MKKS: variants seen among roughly 807,000 people sequenced by gnomAD.
MKKS encodes molecular chaperone MKKS.
In MKKS, 29 loss-of-function variants were observed where a neutral mutation model predicts 33.2. The ratio of observed to expected loss-of-function variants is 0.87; its 90% CI spans 0.65 to 1.19. The LOEUF is 1.19. Ranked by LOEUF, MKKS falls within the 50% of genes most tolerant of loss-of-function variation. The pLI is 0.00. For synonymous variants in MKKS, 260 were observed against 244.0 expected (o/e 1.07, Z -0.61); for missense variants, 661 against 662.3 (o/e 1.00, Z 0.02).
intron 5 of MKKS, among the ~76,000 whole-genome samples, chr20:10,406,272 A>C (rs2122221438): frequency 6.6e-6 from 1 of 152,344 alleles, no homozygotes; most frequent in African/African-American, 2.4e-5. Context: ...TTATCCTAGA[A>C]ATTCCATGAT....
In MKKS at chr20:10,413,255, C is replaced by T; in HGVS notation, c.260G>A (p.Ser87Asn). 6.2e-7 allele frequency: 1 copy of T among 1,614,208 alleles called. No individual in the cohort carries two copies. The highest frequency in any genetic ancestry group is 8.5e-7 in the Non-Finnish European group (1 of 1,180,038). The change falls in exon 3 of 6, where the codon AGC becomes AAC. Residue 87 changes from serine (S) to asparagine (N), a missense_variant. Coordinates refer to ENST00000347364, the MANE Select transcript of MKKS (RefSeq NM_170784.3). ...LTASIQNHVSSFSDCGLFTAI... is the reference protein window; with the variant it reads ...LTASIQNHVSNFSDCGLFTAI... ...TGTGAATAAGCCACAATCACTGAAG[C>T]TTGACACATGATTCTGTATGGAGGC...
At chr20:10,419,796 G>A (rs1390079905) in intron 2 of MKKS, among the ~76,000 whole-genome samples, 1 of 152,108 alleles carries the variant, frequency 6.6e-6, no homozygotes, top group Admixed American at 6.6e-5. Flanking sequence ...AATATCCCAG[G>A]ATTTCATCAT....
intron 1 of MKKS, among the ~76,000 whole-genome samples, chr20:10,429,030 C>A (rs1176296024): frequency 1.3e-5 from 2 of 152,096 alleles, no homozygotes; most frequent in Non-Finnish European, 2.9e-5. Context: ...TATTTTTCTC[C>A]ACTGAAAAGA....
chr20:10,427,615 G>A (rs1356474834), intron 1 of MKKS, among the ~76,000 whole-genome samples: 2 of 152,156 alleles, frequency 1.3e-5, no homozygotes. Context: ...AGTTTGAATT[G>A]TGGCATTTTT....
intron 1 of MKKS, among the ~76,000 whole-genome samples, chr20:10,422,304 G>A (rs1457710202): frequency 2.0e-5 from 3 of 151,734 alleles, no homozygotes; most frequent in Non-Finnish European, 2.9e-5. Context: ...CTTTTCTAAC[G>A]TACTGTGGTA....
intron 4 of MKKS, among the ~76,000 whole-genome samples, chr20:10,408,135 A>C (rs1430951166): frequency 6.6e-6 from 1 of 152,236 alleles, no homozygotes; most frequent in Non-Finnish European, 1.5e-5. Flanking sequence ...ATAAATAAAA[A>C]ATCACACAGA....
intron 1 of MKKS, among the ~76,000 whole-genome samples, chr20:10,427,029 G>GCACACAC (rs1555803048): frequency 7.6e-6 from 1 of 130,724 alleles, no homozygotes; most frequent in Non-Finnish European, 1.6e-5. Flanking sequence ...AGAAAACACT[G>GCACACAC]ACACACACAC....
Position 10,401,766 on chromosome 20 carries a change from CCAAAT to C in MKKS, c.*3476_*3480del, listed in dbSNP as rs1457279708. 1 of 152,046 alleles carries C rather than the reference CCAAAT, an allele frequency of 6.6e-6. No homozygotes were observed. The highest frequency in any genetic ancestry group is 1.5e-5 in the Non-Finnish European group (1 of 68,004). 9.4% of individuals were successfully genotyped at this position (152,046 alleles called of 1,614,324 possible). On this transcript the variant is annotated 3_prime_UTR_variant, in exon 6 of 6. Coordinates refer to ENST00000347364, the MANE Select transcript of MKKS (RefSeq NM_170784.3). The stretch of plus-strand genomic sequence containing the variant: ...GCCTAAGTAGCTTTGATAATACAAA[CCAAAT>C]GAGTTCAAGGATACCTATAATAAAA...
At chr20:10,417,738 C>T (rs6131091) in intron 2 of MKKS, among the ~76,000 whole-genome samples, 2 of 151,900 alleles carry the variant, frequency 1.3e-5, no homozygotes, top group African/African-American at 2.4e-5. Flanking sequence ...ACATGATTAC[C>T]TAGGATCTAT....
intron 1 of MKKS, among the ~76,000 whole-genome samples, chr20:10,431,144 A>C (rs2065051162): frequency 6.6e-6 from 1 of 152,178 alleles, no homozygotes. Flanking sequence ...GGAGTATATT[A>C]TCTTATACGA....
chr20:10,412,956 G>C lies in MKKS; in HGVS notation c.559C>G (p.Pro187Ala). Residue 187 changes from proline to alanine, a missense_variant, in exon 3 of 6, where the codon CCA becomes GCA. Pro to Ala is a conservative substitution (Grantham distance 27). Coordinates refer to ENST00000347364, the MANE Select transcript of MKKS (RefSeq NM_170784.3). Reference protein sequence around the residue: ...LILRAFLLTIPENAEGHIILG... With the variant: ...LILRAFLLTIAENAEGHIILG... ...ATGATGTGGCCTTCAGCATTTTCTG[G>C]AATTGTAAGCAAAAAGGCTCTCAGG... 6.2e-7 allele frequency: 1 copy of C among 1,613,828 alleles called. No individual in the cohort carries two copies. The highest frequency in any genetic ancestry group is 8.5e-7 in the Non-Finnish European group (1 of 1,179,958).
intron 5 of MKKS, 105 bp from the exon 6 acceptor site, chr20:10,405,792 T>A (rs2064839459): frequency 1.8e-6 from 2 of 1,098,774 alleles, no homozygotes; most frequent in South Asian, 2.8e-5. Context: ...AAGTAATTAC[T>A]TACTTTCATT....
chr20:10,409,290 T>C (rs1238623221), intron 3 of MKKS, among the ~76,000 whole-genome samples: 1 of 152,192 alleles, frequency 6.6e-6, no homozygotes, highest in Non-Finnish European at 1.5e-5. Context: ...CGCTACATAG[T>C]GAATATGTAA....
At chr20:10,426,673 C>G (rs2065016503) in intron 1 of MKKS, among the ~76,000 whole-genome samples, 1 of 152,224 alleles carries the variant, frequency 6.6e-6, no homozygotes, top group Non-Finnish European at 1.5e-5. Flanking sequence ...GCTGGGATTA[C>G]AGGCATGAGC....
At chr20:10,424,466 A>G (rs558181293) in intron 1 of MKKS, among the ~76,000 whole-genome samples, 1 of 152,266 alleles carries the variant, frequency 6.6e-6, no homozygotes, top group Non-Finnish European at 1.5e-5. Flanking sequence ...TCTTTCACTT[A>G]ATAGTGAAAA....
intron 1 of MKKS, among the ~76,000 whole-genome samples, chr20:10,430,098 T>C (rs751149667): frequency 6.6e-6 from 1 of 152,234 alleles, no homozygotes; most frequent in Non-Finnish European, 1.5e-5. Flanking sequence ...AAGCCTTTAG[T>C]GACATTTTTG....
At chr20:10,432,458 G>C (rs773561326) in intron 1 of MKKS, among the ~76,000 whole-genome samples, 2 of 152,106 alleles carry the variant, frequency 1.3e-5, no homozygotes, top group Non-Finnish European at 2.9e-5. Flanking sequence ...CAGGACCCAT[G>C]ATGGATACCC....
chr20:10,427,773 G>A (rs1353577406), intron 1 of MKKS, among the ~76,000 whole-genome samples: 1 of 152,098 alleles, frequency 6.6e-6, no homozygotes, highest in Non-Finnish European at 1.5e-5. Context: ...CTCCAGTCTT[G>A]TAAAAACACA....
Position 10,407,719 on chromosome 20 carries a change from CACGTGAGCT to C in MKKS, c.1162-2_1168del. The stretch of plus-strand genomic sequence containing the variant: ...CTGCAGGACATGCAGTGCCGTCTGA[CACGTGAGCT>C]AAGAAAAAACCCAAATCATCAGAAT... On this transcript the variant is annotated splice_acceptor_variant and coding_sequence_variant, in exon 5 of 6. Coordinates refer to ENST00000347364, the MANE Select transcript of MKKS (RefSeq NM_170784.3). LOFTEE classifies it high-confidence loss of function. 6.2e-7 allele frequency: 1 copy of C among 1,613,500 alleles called. No homozygotes were observed. The highest frequency in any genetic ancestry group is 8.5e-7 in the Non-Finnish European group (1 of 1,179,646).
Sources: gnomAD v4.1 joint callset for allele counts (sites outside exome capture counted in the v4.1 genomes callset) on GRCh38, gnomAD v4.1.1 for gene constraint, MANE v1.5 for transcripts, NCBI Gene and HGNC (gene_info 2026-07-23, HGNC 2026-07-21) for gene names.